Variants in SDCBP2 observed in about 807,000 individuals in gnomAD.
The protein encoded by SDCBP2 is syntenin-2.
Under a neutral mutation model 30.7 loss-of-function variants are expected in SDCBP2, and 28 were observed. The ratio of observed to expected loss-of-function variants is 0.91; its 90% confidence interval spans 0.68 to 1.25. The LOEUF is 1.25. SDCBP2 is among the 50% of genes most tolerant of loss of function. The pLI is 0.00. For synonymous variants in SDCBP2, 166 were observed against 157.3 expected (o/e 1.06, Z -0.41); for missense variants, 399 against 379.0 (o/e 1.05, Z -0.44).
At chr20:1,310,923 A>G (rs1343210663) in intron 7 of SDCBP2, 32 bp from the exon 8 acceptor site, 1 of 1,551,160 alleles carries the variant, frequency 6.4e-7, no homozygotes, top group Non-Finnish European at 8.9e-7. Context: ...GATCACCCTA[A>G]GGATTGGGGA....
At chr20:1,319,449 T>C (rs990117876) in intron 3 of SDCBP2, 141 bp downstream of exon 3, 1 of 907,884 alleles carries the variant, frequency 1.1e-6, no homozygotes, top group African/African-American at 1.7e-5. Context: ...GGGTGGCAAC[T>C]GGAAGCCTGG....
intron 4 of SDCBP2, among the ~76,000 whole-genome samples, chr20:1,316,657 T>C (rs1370940184): frequency 2.0e-5 from 3 of 152,224 alleles, no homozygotes. Flanking sequence ...CCCAAAGTAC[T>C]GGGATTACAG....
At chr20:1,319,561 C>T (rs41280302) in intron 3 of SDCBP2, 29 bp downstream of exon 3, 36,511 of 1,554,392 alleles carry the variant, frequency 0.023, 517 homozygotes, top group Non-Finnish European at 0.028. Context: ...GACTTGGCAC[C>T]CAGGAGCCCC....
In SDCBP2 at chr20:1,312,470, A is replaced by G. The variant is rs1416878947; in HGVS notation, c.599T>C (p.Met200Thr). The G allele has an allele frequency of 1.2e-6, 2 of 1,614,044 alleles. No individual in the cohort carries two copies. Among genetic ancestry groups the G allele is most frequent in the African/African-American group, 2.7e-5 (2 of 74,916 alleles). Residue 200 changes from methionine (M) to threonine (T), a missense_variant, in exon 7 of 9, where the codon ATG (methionine) becomes ACG (threonine). Transcript: ENST00000360779. ...CTTGATCACGAAGCCGACGTGGCCC[A>G]TGCTGTCCTTGTGCATGGTGACAGT... ...QRTVTMHKDS[M>T]GHVGFVIKKG...
intron 1 of SDCBP2, among the ~76,000 whole-genome samples, chr20:1,326,446 T>C (rs551023141): frequency 1.3e-5 from 2 of 152,380 alleles, no homozygotes; most frequent in South Asian, 4.1e-4. Context: ...AGTTCATTTA[T>C]TCCAGACTAC....
intron 4 of SDCBP2, among the ~76,000 whole-genome samples, chr20:1,317,097 A>C (rs2088788383): frequency 6.6e-6 from 1 of 152,182 alleles, no homozygotes; most frequent in African/African-American, 2.4e-5. Context: ...GGTGGCAAGC[A>C]GGCAGGCATA....
At chr20:1,311,199 A>G (rs770917370) in intron 7 of SDCBP2, 7 of 278,260 alleles carry the variant, frequency 2.5e-5, no homozygotes, top group African/African-American at 4.3e-5. Flanking sequence ...GGCCTCATCA[A>G]TGCGATTCTC....
Position 1,316,637 on chromosome 20 carries a change from G to A in SDCBP2, c.225+1681C>T, listed in dbSNP as rs150085185. ...ACTTCTGGGCTCAAGTGATCCACCT[G>A]TCTCAGCTTCCCAAAGTACTGGGAT... On this transcript the variant is annotated intron_variant, in intron 4 of 8. Coordinates refer to ENST00000360779, the MANE Select transcript of SDCBP2 (RefSeq NM_080489.5). Among the ~76,000 whole-genome samples the A allele has an allele frequency of 8.0e-3, 1,218 of 152,270 alleles. 5 individuals are homozygous for A. The highest frequency in any genetic ancestry group is 0.024 in the Middle Eastern group (7 of 294).
intron 1 of SDCBP2, chr20:1,322,992 A>C (rs1352280822): frequency 7.7e-6 from 1 of 129,442 alleles, no homozygotes; most frequent in African/African-American, 3.2e-5. Context: ...GGAATAGTGC[A>C]TGGCAACACT....
At chr20:1,327,312 C>T (rs550139572) in intron 1 of SDCBP2, among the ~76,000 whole-genome samples, 44 of 152,298 alleles carry the variant, frequency 2.9e-4, no homozygotes, top group African/African-American at 1.0e-3. Flanking sequence ...AGAGTGAGAA[C>T]ACTCTTTGGA....
chr20:1,310,527 C>T (rs756909641), intron 8 of SDCBP2, 32 bp from the exon 9 acceptor site: 17 of 1,609,360 alleles, frequency 1.1e-5, no homozygotes, highest in Non-Finnish European at 1.4e-5. Context: ...ACCAGGTTGG[C>T]AGCTCCTTCT....
At chr20:1,323,540 C>T (rs1216456140) in intron 1 of SDCBP2, 1 of 152,200 alleles carries the variant, frequency 6.6e-6, no homozygotes, top group Admixed American at 6.5e-5. Flanking sequence ...CCTTTCACCA[C>T]TGCCACCTTC....
chr20:1,316,459 G>A (rs891194418), intron 4 of SDCBP2, among the ~76,000 whole-genome samples: 3 of 152,162 alleles, frequency 2.0e-5, no homozygotes, highest in African/African-American at 7.2e-5. Context: ...CTGTGATCTT[G>A]GCTCACTGCA....
At chr20:1,318,281 G>T in intron 4 of SDCBP2, 37 bp downstream of exon 4, 2 of 1,404,850 alleles carry the variant, frequency 1.4e-6, no homozygotes, top group Non-Finnish European at 2.0e-6. Context: ...GGATTGGGAG[G>T]TTCTGCGCCC....
intron 3 of SDCBP2, 43 bp from the exon 4 acceptor site, chr20:1,318,461 A>T (rs191225096): frequency 1.5e-6 from 2 of 1,302,000 alleles, no homozygotes; most frequent in South Asian, 1.3e-5. Flanking sequence ...ATTAGAGGAC[A>T]TGTGCTTCCC....
Position 1,310,359 on chromosome 20 carries a change from T to C in SDCBP2, c.*82A>G. ...CCCCCACCTTAAGCAGCAGGCCGGC[T>C]GCAACCCATCATCCGAGGGTGGTTG... On this transcript the variant is annotated 3_prime_UTR_variant, in exon 9 of 9. Transcript: ENST00000360779. 1 of 1,435,094 alleles carries C rather than the reference T, an allele frequency of 7.0e-7. No individual in the cohort carries two copies. The highest frequency in any genetic ancestry group is 9.8e-7 in the Non-Finnish European group (1 of 1,025,310). The allele number at this position is 1,435,094 out of a possible 1,614,324, so 88.9% of individuals were successfully genotyped here.
chr20:1,323,329 A>C (rs2088873035), intron 1 of SDCBP2: 1 of 152,228 alleles, frequency 6.6e-6, no homozygotes, highest in Admixed American at 6.5e-5. Flanking sequence ...CATCTGCCAA[A>C]ACATGACCTG....
intron 1 of SDCBP2, chr20:1,323,044 C>A (rs146688872): frequency 6.6e-6 from 1 of 152,232 alleles, no homozygotes; most frequent in Non-Finnish European, 1.5e-5. Flanking sequence ...TGGGGCTGTA[C>A]GTGCTTTCCT....
At position 1,320,531 on chromosome 20, in the gene SDCBP2, A is replaced by C. The variant is rs1169463600; in HGVS notation, c.-19-96T>G. On this transcript the variant is annotated intron_variant, in intron 1 of 8. Coordinates refer to ENST00000360779, the MANE Select transcript of SDCBP2 (RefSeq NM_080489.5). The surrounding 1 kb of genome is among the most constrained non-coding windows in gnomAD (Gnocchi z 4.7). ...CGCAACAGCAAGCGGGTTGGAACTT[A>C]ATATTCAAACAGAAAGGCAGCAGGG... 23 of 940,506 alleles carry C rather than the reference A, an allele frequency of 2.4e-5. No homozygotes were observed. The highest frequency in any genetic ancestry group is 3.8e-5 in the Non-Finnish European group (23 of 607,970). The allele number at this position is 940,506 out of a possible 1,614,324, so 58.3% of individuals were successfully genotyped here. A position where few individuals can be genotyped will look rare whatever the true frequency, so the allele number is the denominator to read the frequency against.
Sources: allele counts gnomAD v4.1 joint callset (sites outside exome capture counted in the v4.1 genomes callset), GRCh38; gene constraint gnomAD v4.1.1; non-coding constraint Gnocchi (gnomAD v3.1); transcripts MANE v1.5; gene names NCBI Gene and HGNC (gene_info 2026-07-23, HGNC 2026-07-21).